The following LPIN1 variants were observed in gnomAD, a reference collection of about 807,000 sequenced individuals.
LPIN1 encodes the protein lipin 1.
LPIN1 carries 71 observed loss-of-function variants against 107.5 expected under a neutral mutation model. The ratio of observed to expected loss-of-function variants is 0.66; its 90% CI spans 0.55 to 0.80. The LOEUF (loss-of-function observed/expected upper bound fraction) is 0.80, where lower values mean the gene tolerates loss of function less well. Ranked by LOEUF, LPIN1 falls within the 30% of genes least tolerant of loss-of-function variation. The probability of loss-of-function intolerance (pLI) is 0.00; values close to 1 mark genes in which losing one functional copy is unlikely to be tolerated. For missense variants in LPIN1, 1,043 were observed against 1,160.6 expected, an observed-to-expected ratio of 0.90 and a Z score of 1.47; for synonymous variants, 445 against 452.6, an observed-to-expected ratio of 0.98 and a Z score of 0.21.
At chr2:11,751,221 A>T (rs1382925238) in intron 1 of LPIN1, among the ~76,000 whole-genome samples, 2 of 152,178 alleles carry the variant, frequency 1.3e-5, no homozygotes, top group Non-Finnish European at 2.9e-5. Flanking sequence ...GTGATCACTC[A>T]TCTGACCTTC....
intron 1 of LPIN1, among the ~76,000 whole-genome samples, chr2:11,684,401 C>A (rs1661889793): frequency 6.6e-6 from 1 of 152,174 alleles, no homozygotes; most frequent in Non-Finnish European, 1.5e-5. Context: ...TGATCTTGAA[C>A]TCCTAGCCTC....
At chr2:11,678,653 T>C (rs982500208) in intron 1 of LPIN1, among the ~76,000 whole-genome samples, 5 of 152,178 alleles carry the variant, frequency 3.3e-5, no homozygotes, top group Non-Finnish European at 2.9e-5. Flanking sequence ...GTCAGCTCCA[T>C]CCTCAGGGCA....
chr2:11,789,571 T>C (rs36073603), intron 12 of LPIN1, among the ~76,000 whole-genome samples: 28,969 of 152,132 alleles, frequency 0.19, 3,101 homozygotes, highest in Non-Finnish European at 0.24. Flanking sequence ...CACGTGTGTG[T>C]GTGCGTGTGT....
At chr2:11,773,500 G>T (rs1672195014) in intron 4 of LPIN1, 120 bp from the exon 5 acceptor site, 2 of 838,358 alleles carry the variant, frequency 2.4e-6, no homozygotes, top group Non-Finnish European at 4.0e-6. Flanking sequence ...ACAGATCTGG[G>T]TGTTTAAAGA....
At position 11,746,651 on chromosome 2, in the gene LPIN1, G is replaced by A; in HGVS notation, c.-30G>A. The A allele has an allele frequency of 1.0e-6, 1 of 985,254 alleles. No individual in the cohort carries two copies. Among genetic ancestry groups the A allele is most frequent in the Non-Finnish European group, 1.2e-6 (1 of 829,846 alleles). 61.0% of individuals were successfully genotyped at this position (985,254 alleles called of 1,614,324 possible). A position where few individuals can be genotyped will look rare whatever the true frequency, so the allele number is the denominator to read the frequency against. On this transcript the variant is annotated 5_prime_UTR_variant, in exon 1 of 21. Coordinates refer to ENST00000674199, the MANE Select transcript of LPIN1 (RefSeq NM_001349206.2). ...GGCTGGGTGTTTGCAATACAAAGGC[G>A]GCCACGCGCGGCGCCGCTCGGTGAG... is the stretch of plus-strand genomic sequence containing the variant.
At chr2:11,770,617 A>G (rs1339123937) in intron 3 of LPIN1, among the ~76,000 whole-genome samples, 1 of 152,214 alleles carries the variant, frequency 6.6e-6, no homozygotes, top group South Asian at 2.1e-4. Context: ...GATCAGCAGC[A>G]CACGTTTATT....
upstream of LPIN1, chr2:11,745,999 C>A (rs1031450598): frequency 6.6e-6 from 1 of 152,282 alleles, no homozygotes; most frequent in South Asian, 2.1e-4. Flanking sequence ...GCCTGCCTCC[C>A]GGCTGGAGAG....
intron 1 of LPIN1, chr2:11,764,103 T>TATATATAC (rs1553422099): frequency 4.9e-5 from 6 of 121,844 alleles, no homozygotes; most frequent in African/African-American, 1.0e-4. Context: ...TATATATATA[T>TATATATAC]ACACACACAC....
At chr2:11,793,234 C>G (rs1256652976) in intron 13 of LPIN1, among the ~76,000 whole-genome samples, 1 of 152,194 alleles carries the variant, frequency 6.6e-6, no homozygotes, top group Non-Finnish European at 1.5e-5. Context: ...TAGCCTCACT[C>G]CCACACCAGG....
At chr2:11,718,805 C>A (rs1248627888) in intron 2 of LPIN1, among the ~76,000 whole-genome samples, 1 of 152,178 alleles carries the variant, frequency 6.6e-6, no homozygotes, top group Non-Finnish European at 1.5e-5. Flanking sequence ...TTTCATTCAT[C>A]TGCTCAGAAC....
intron 20 of LPIN1, among the ~76,000 whole-genome samples, chr2:11,824,421 G>A (rs913524065): frequency 1.3e-5 from 2 of 151,482 alleles, no homozygotes; most frequent in Admixed American, 6.6e-5. Context: ...CTCTTCCCCA[G>A]AGCCTTCTCT....
upstream of LPIN1, chr2:11,742,148 C>G (rs1328383891): frequency 6.6e-6 from 1 of 152,076 alleles, no homozygotes; most frequent in Non-Finnish European, 1.5e-5. Flanking sequence ...GTGCACCTGA[C>G]CAGGTTGCCT....
rs117246314 is a variant in LPIN1 at position 11,688,680 on chromosome 2, T to C, written c.81+10952T>C. Among the ~76,000 whole-genome samples the C allele has an allele frequency of 2.9e-3, 440 of 152,294 alleles. 8 individuals carry two copies. In the East Asian group the frequency reaches 0.044, roughly 15 times the overall value. On this transcript the variant is annotated intron_variant, in intron 1 of 21. Coordinates refer to the LPIN1 transcript ENST00000449576. ...CTCGCCACAGGGGAGTGTTGACAAA[T>C]GGAAAATGAGTTAATACATACAACA...
chr2:11,789,848 A>G (rs1026892739), intron 12 of LPIN1, among the ~76,000 whole-genome samples: 3 of 152,276 alleles, frequency 2.0e-5, no homozygotes, highest in African/African-American at 7.2e-5. Context: ...CTGAAACTTA[A>G]AAGACATTAG....
chr2:11,713,471 A>G lies in LPIN1; in HGVS notation c.82-285A>G, dbSNP rs138163577. Among the ~76,000 whole-genome samples the G allele has an allele frequency of 5.3e-3, 807 of 152,298 alleles. 4 individuals carry two copies. Among genetic ancestry groups the G allele is most frequent in the Middle Eastern group, 0.01 (3 of 294 alleles). On this transcript the variant is annotated intron_variant, in intron 1 of 21. Transcript: ENST00000449576. ...TTTTTAGTAGAGACAGGGTTTTGCC[A>G]TGTTGGCCAGGCTGATCTCAAACTC...
rs774490262 is a variant in LPIN1 at position 11,765,651 on chromosome 2, G to C, written c.110G>C (p.Arg37Pro). 4 of 1,613,964 alleles carry C rather than the reference G, an allele frequency of 2.5e-6. No individual in the cohort carries two copies. The highest frequency in any genetic ancestry group is 3.3e-5 in the Admixed American group (2 of 59,986). ...GGGTGCATTGACATCATTGTCATCCGCCAGCCCAATGGAAACCTCCAATGC... is the reference window on the plus strand; with the variant it reads ...GGGTGCATTGACATCATTGTCATCCCCCAGCCCAATGGAAACCTCCAATGC... ...LSGCIDIIVI[R>P]QPNGNLQCSP... is the part of the protein sequence containing the mutation. The change falls in exon 2 of 21, where the codon CGC (arginine) becomes CCC (proline). Residue 37 changes from arginine (R) to proline (P), a missense_variant. Arg to Pro is a moderately radical substitution (Grantham distance 103). Transcript: ENST00000674199. The surrounding 1 kb of genome is among the most constrained non-coding windows in gnomAD (Gnocchi z 4.4).
At chr2:11,763,415 A>C (rs968200132) in intron 1 of LPIN1, 2 of 152,524 alleles carry the variant, frequency 1.3e-5, no homozygotes, top group East Asian at 3.8e-4. Context: ...CCAGGTGGTC[A>C]GGGATCCAGA....
chr2:11,756,045 T>TA (rs1289548741), intron 1 of LPIN1, among the ~76,000 whole-genome samples: 16 of 151,814 alleles, frequency 1.1e-4, no homozygotes, highest in African/African-American at 3.9e-4. Context: ...GAAAGGAGAG[T>TA]AGGAAGAAAA....
chr2:11,701,010 C>G (rs1662844212), intron 1 of LPIN1, among the ~76,000 whole-genome samples: 1 of 152,170 alleles, frequency 6.6e-6, no homozygotes, highest in Non-Finnish European at 1.5e-5. Flanking sequence ...TGCAGCCTCT[C>G]CCTTCCTTGG....
Sources: allele counts gnomAD v4.1 joint callset (sites outside exome capture counted in the v4.1 genomes callset), GRCh38; gene constraint gnomAD v4.1.1; non-coding constraint Gnocchi (gnomAD v3.1); transcripts MANE v1.5; gene names NCBI Gene and HGNC (gene_info 2026-07-23, HGNC 2026-07-21).